WDR37: variants seen among roughly 807,000 people sequenced by gnomAD.
WDR37 encodes the protein WD repeat domain 37.
A neutral mutation model predicts 62.9 loss-of-function variants in WDR37; 19 were observed. That is an observed-to-expected ratio of 0.30 (90% CI 0.21 to 0.44). WDR37 has a LOEUF of 0.44. Ranked by LOEUF, WDR37 falls within the 20% of genes least tolerant of loss-of-function variation. WDR37 has a pLI of 1.00. For missense variants in WDR37, 474 were observed against 657.6 expected, an observed-to-expected ratio of 0.72 and a Z score of 3.05; for synonymous variants, 250 against 260.9, an observed-to-expected ratio of 0.96 and a Z score of 0.40.
intron 1 of WDR37, among the ~76,000 whole-genome samples, chr10:1,060,727 TAAC>T (rs1833348629): frequency 3.3e-5 from 5 of 152,248 alleles, no homozygotes; most frequent in Admixed American, 3.3e-4. Context: ...GGGTGCCACA[TAAC>T]AAATGATGTT....
At position 1,103,808 on chromosome 10, in the gene WDR37, G is replaced by A. The variant is rs1329653856; in HGVS notation, c.933G>A (p.Glu311=). The change falls in exon 10 of 14, where the codon GAG becomes GAA. Residue 311 remains glutamate, a synonymous_variant. Transcript: ENST00000263150. This position sits in a 1 kb window ranked among gnomAD's most constrained non-coding sequence, Gnocchi z 6.3. ...WDRTANLYDV[E]TSELVHSLTG... is the part of the protein sequence containing the mutation. Reference sequence around the variant, plus strand: ...GGACGGCAAACCTGTACGACGTGGAGACGTCCGAGCTCGTTCACTCTCTGA... The same window carrying A: ...GGACGGCAAACCTGTACGACGTGGAAACGTCCGAGCTCGTTCACTCTCTGA... 1.2e-6 allele frequency: 2 copies of A among 1,614,206 alleles called. No individual in the cohort carries two copies. The highest frequency in any genetic ancestry group is 2.2e-5 in the South Asian group (2 of 91,082).
chr10:1,070,663 TG>T (rs1833700065), intron 1 of WDR37, among the ~76,000 whole-genome samples: 1 of 152,190 alleles, frequency 6.6e-6, no homozygotes, highest in Non-Finnish European at 1.5e-5. Context: ...CTTAATAAAC[TG>T]AATAGGAAAG....
chr10:1,071,866 T>TA (rs1001039663), intron 1 of WDR37, among the ~76,000 whole-genome samples: 4 of 152,134 alleles, frequency 2.6e-5, no homozygotes, highest in Non-Finnish European at 4.4e-5. Context: ...ATTTTTTTTT[T>TA]AAATTTTAAA....
At chr10:1,068,664 C>T (rs1833629524) in intron 1 of WDR37, among the ~76,000 whole-genome samples, 1 of 151,980 alleles carries the variant, frequency 6.6e-6, no homozygotes, top group Admixed American at 6.5e-5. Context: ...AACAGCCACC[C>T]TGGAAAATAC....
Position 1,096,155 on chromosome 10 carries a change from G to A in WDR37, c.650-15G>A, listed in dbSNP as rs373928719. ...GTCTGTGCCTTGGGTAATTTTCCCC[G>A]ATTTCTCTCTTCAGCTTCTGGAGAT... On this transcript the variant is annotated splice_polypyrimidine_tract_variant and intron_variant, in intron 8 of 13. Coordinates refer to ENST00000263150, the MANE Select transcript of WDR37 (RefSeq NM_014023.4). 8.7e-6 allele frequency: 14 copies of A among 1,613,792 alleles called. No homozygotes were observed. In the African/African-American group the frequency reaches 1.2e-4, roughly 14 times the overall value.
chr10:1,059,854 G>A (rs1443541983), intron 1 of WDR37, among the ~76,000 whole-genome samples: 3 of 152,108 alleles, frequency 2.0e-5, no homozygotes, highest in Non-Finnish European at 2.9e-5. Context: ...AGTGTTCATT[G>A]ATGCTGTTTA....
chr10:1,086,868 G>T (rs1024282103), intron 7 of WDR37, among the ~76,000 whole-genome samples: 2 of 152,236 alleles, frequency 1.3e-5, no homozygotes, highest in African/African-American at 4.8e-5. Flanking sequence ...AGCTGTGTGT[G>T]TACCAGTTTC....
chr10:1,094,401 G>A (rs1335098867), intron 8 of WDR37, among the ~76,000 whole-genome samples: 1 of 152,212 alleles, frequency 6.6e-6, no homozygotes, highest in African/African-American at 2.4e-5. Flanking sequence ...TTAAGAAGGA[G>A]CCCCAGCAAC....
chr10:1,096,218 C>T lies in WDR37; in HGVS notation c.698C>T (p.Pro233Leu), dbSNP rs1179134859. ...ATCTGGAGATACGCGGTGCAGCTGC[C>T]GACACCCCAGCCTGTTGCTGACACT... ...AHIWRYAVQL[P>L]TPQPVADTSI... Residue 233 changes from proline (P) to leucine (L), a missense_variant, in exon 9 of 14, where the codon CCG becomes CTG. Transcript: ENST00000263150. 4.3e-6 allele frequency: 7 copies of T among 1,614,094 alleles called. No homozygotes were observed. The highest frequency in any genetic ancestry group is 2.2e-5 in the East Asian group (1 of 44,882).
At chr10:1,068,221 C>G (rs775245854) in intron 1 of WDR37, among the ~76,000 whole-genome samples, 30 of 152,134 alleles carry the variant, frequency 2.0e-4, no homozygotes, top group Non-Finnish European at 3.5e-4. Flanking sequence ...GTGGCTGACG[C>G]CTGTAATCCC....
intron 1 of WDR37, among the ~76,000 whole-genome samples, chr10:1,068,187 AAGC>A (rs1230192988): frequency 2.0e-5 from 3 of 152,084 alleles, no homozygotes; most frequent in Admixed American, 6.6e-5. Flanking sequence ...ATCCTTAAGA[AAGC>A]AGTATCTTAG....
Position 1,121,814 on chromosome 10 carries a change from C to T in WDR37, c.1104-2404C>T, listed in dbSNP as rs530659608. 7.9e-5 allele frequency among the ~76,000 whole-genome samples: 12 copies of T among 152,132 alleles called. No homozygotes were observed. The South Asian group carries it at 8.3e-4, about 11-fold the overall frequency. On this transcript the variant is annotated intron_variant, in intron 11 of 13. Transcript: ENST00000263150. The surrounding 1 kb of genome is among the most constrained non-coding windows in gnomAD (Gnocchi z 4.5). ...ATCCACACCGCAGCTGTGGGCACCACGACCAGGCCTTTGAGAATGCAGACG... is the reference window on the plus strand; with the variant it reads ...ATCCACACCGCAGCTGTGGGCACCATGACCAGGCCTTTGAGAATGCAGACG...
rs779394431 is a variant in WDR37 at position 1,121,757 on chromosome 10, A to G, written c.1104-2461A>G. Among the ~76,000 whole-genome samples, 1 of 152,204 alleles carries G rather than the reference A, an allele frequency of 6.6e-6. No homozygotes were observed. The stretch of plus-strand genomic sequence containing the variant: ...CCACAGGGAAGGGCCCCGACCAGAC[A>G]TCAGGTCCTAGCGGGGGAATAAGTG... On this transcript the variant is annotated intron_variant, in intron 11 of 13. Coordinates refer to ENST00000263150, the MANE Select transcript of WDR37 (RefSeq NM_014023.4). The surrounding 1 kb of genome is among the most constrained non-coding windows in gnomAD (Gnocchi z 4.5).
At chr10:1,076,093 T>C (rs2131620155) in intron 2 of WDR37, among the ~76,000 whole-genome samples, 1 of 152,294 alleles carries the variant, frequency 6.6e-6, no homozygotes. Context: ...ATGTCCTTTT[T>C]GATGGCCTAG....
chr10:1,128,644 T>G (rs1022774764), intron 13 of WDR37, among the ~76,000 whole-genome samples: 1 of 152,272 alleles, frequency 6.6e-6, no homozygotes, highest in Non-Finnish European at 1.5e-5. Flanking sequence ...TTCAAAAATT[T>G]CACATTGATC....
chr10:1,110,548 G>A (rs1431928457), intron 11 of WDR37, among the ~76,000 whole-genome samples: 1 of 152,208 alleles, frequency 6.6e-6, no homozygotes, highest in African/African-American at 2.4e-5. Context: ...GCCTCGCAGT[G>A]CGGTTTAGGT....
chr10:1,096,107 G>A (rs1001207386), intron 8 of WDR37, 63 bp from the exon 9 acceptor site: 8 of 1,516,744 alleles, frequency 5.3e-6, no homozygotes, highest in African/African-American at 1.4e-5. Flanking sequence ...CCATAGTGGC[G>A]GTGAAGAGCG....
At chr10:1,101,768 G>T (rs978016279) in intron 9 of WDR37, among the ~76,000 whole-genome samples, 1 of 152,212 alleles carries the variant, frequency 6.6e-6, no homozygotes, top group Admixed American at 6.5e-5. Flanking sequence ...CTCAGCCCGG[G>T]CGAGCCTTAC....
intron 13 of WDR37, among the ~76,000 whole-genome samples, chr10:1,128,803 GTGCTCGGCGGTCCA>G (rs968555901): frequency 9.9e-5 from 15 of 151,558 alleles, no homozygotes; most frequent in South Asian, 4.2e-4. Flanking sequence ...CGGCTCTGCC[GTGCTCGGCGGTCCA>G]TGCTCGGCGG....
Sources: allele counts gnomAD v4.1 joint callset (sites outside exome capture counted in the v4.1 genomes callset), GRCh38; gene constraint gnomAD v4.1.1; non-coding constraint Gnocchi (gnomAD v3.1); transcripts MANE v1.5; gene names NCBI Gene and HGNC (gene_info 2026-07-23, HGNC 2026-07-21).